Variants in REDIC1 observed in about 807,000 individuals in gnomAD.
The protein encoded by REDIC1 is HEI10 Interacting Protein 1.
the REDIC1 span, among the ~76,000 whole-genome samples, chr12:39,830,756 A>G: frequency 6.6e-6 from 1 of 152,218 alleles, no homozygotes; most frequent in Non-Finnish European, 1.5e-5. Flanking sequence ...TAAAAATACT[A>G]CTACTCAAAT....
chr12:39,890,214 A>G, the REDIC1 span, among the ~76,000 whole-genome samples: 1 of 152,222 alleles, frequency 6.6e-6, no homozygotes, highest in African/African-American at 2.4e-5. Flanking sequence ...TTACAGAGAA[A>G]ACCTGGCCAT....
the REDIC1 span, among the ~76,000 whole-genome samples, chr12:39,705,075 TAATA>T: frequency 3.3e-5 from 5 of 150,668 alleles, no homozygotes; most frequent in Admixed American, 6.6e-5. Context: ...AGTATAATAA[TAATA>T]AATAAAATTA....
the REDIC1 span, among the ~76,000 whole-genome samples, chr12:39,846,298 C>G: frequency 6.6e-6 from 1 of 152,078 alleles, no homozygotes; most frequent in South Asian, 2.1e-4. Flanking sequence ...GTACATTACA[C>G]CCTCCCTTGG....
chr12:39,711,105 C>T, the REDIC1 span, among the ~76,000 whole-genome samples: 1 of 151,384 alleles, frequency 6.6e-6, no homozygotes, highest in Admixed American at 6.6e-5. Context: ...TTTGCATCTT[C>T]ATATCTTAGT....
the REDIC1 span, chr12:39,721,035 C>T: frequency 6.2e-7 from 1 of 1,613,600 alleles, no homozygotes; most frequent in Non-Finnish European, 8.5e-7. Flanking sequence ...AAAACAAAAC[C>T]AATGATAACT....
chr12:39,833,892 TA>T, the REDIC1 span, among the ~76,000 whole-genome samples: 3,869 of 88,384 alleles, frequency 0.044, 81 homozygotes, highest in African/African-American at 0.11. Context: ...AGCATGGTCA[TA>T]AAAAAAAAAA....
chr12:39,780,717 A>C, the REDIC1 span, among the ~76,000 whole-genome samples: 3 of 152,228 alleles, frequency 2.0e-5, no homozygotes, highest in African/African-American at 2.4e-5. Flanking sequence ...TATTACAAGG[A>C]GAACAGTCAT....
At chr12:39,632,835 G>C in the REDIC1 span, among the ~76,000 whole-genome samples, 3 of 152,180 alleles carry the variant, frequency 2.0e-5, no homozygotes, top group East Asian at 5.8e-4. Context: ...ATATAGAAAA[G>C]ATGCAGTAAA....
chr12:39,759,811 A>C, the REDIC1 span: 1 of 522,070 alleles, frequency 1.9e-6, no homozygotes, highest in Admixed American at 3.6e-5. Context: ...TTATTAGATT[A>C]AAATCTCTGT....
At chr12:39,854,206 C>A in the REDIC1 span, among the ~76,000 whole-genome samples, 4 of 151,972 alleles carry the variant, frequency 2.6e-5, no homozygotes, top group Non-Finnish European at 4.4e-5. Flanking sequence ...ATGATATAAT[C>A]CGTCTGATCC....
the REDIC1 span, among the ~76,000 whole-genome samples, chr12:39,730,025 A>C: frequency 6.6e-6 from 1 of 151,906 alleles, no homozygotes; most frequent in South Asian, 2.1e-4. Flanking sequence ...ATATTCCTCC[A>C]TCCTTTTATT....
chr12:39,781,660 C>G, the REDIC1 span, among the ~76,000 whole-genome samples: 5 of 152,258 alleles, frequency 3.3e-5, no homozygotes, highest in East Asian at 9.6e-4. Context: ...ATATTATAGT[C>G]CAGAGCAACT....
the REDIC1 span, among the ~76,000 whole-genome samples, chr12:39,739,628 T>C: frequency 6.6e-6 from 1 of 152,230 alleles, no homozygotes; most frequent in East Asian, 1.9e-4. Context: ...TATAAGTCAC[T>C]ATATGAAATA....
chr12:39,713,601 T>C, the REDIC1 span, among the ~76,000 whole-genome samples: 1 of 149,386 alleles, frequency 6.7e-6, no homozygotes. Flanking sequence ...TAGATACGTA[T>C]ATATACATAT....
chr12:39,712,280 A>G, the REDIC1 span, among the ~76,000 whole-genome samples: 3 of 139,662 alleles, frequency 2.1e-5, no homozygotes, highest in Non-Finnish European at 1.6e-5. Context: ...ATACATGTAT[A>G]TATACCTGTA....
At chr12:39,750,955 A>T in the REDIC1 span, among the ~76,000 whole-genome samples, 1 of 152,192 alleles carries the variant, frequency 6.6e-6, no homozygotes, top group Non-Finnish European at 1.5e-5. Context: ...AAACCATAAA[A>T]ACCCTAGAAG....
the REDIC1 span, among the ~76,000 whole-genome samples, chr12:39,794,129 A>C: frequency 1.3e-5 from 2 of 148,488 alleles, 1 homozygote. Flanking sequence ...ATTGCAAAAA[A>C]AAAAAAAAAA....
the REDIC1 span, chr12:39,819,788 T>C: frequency 1.3e-5 from 2 of 152,612 alleles, no homozygotes; most frequent in Non-Finnish European, 2.9e-5. Flanking sequence ...AAAGGATAAA[T>C]GCTCCTTTCA....
chr12:39,639,669 CAGT>C, the REDIC1 span, among the ~76,000 whole-genome samples: 1 of 151,920 alleles, frequency 6.6e-6, no homozygotes, highest in African/African-American at 2.4e-5. Context: ...GTTTCCTCAT[CAGT>C]AAAGTGGGTA....
Sources: allele counts gnomAD v4.1 joint callset (sites outside exome capture counted in the v4.1 genomes callset), GRCh38; gene constraint gnomAD v4.1.1; transcripts MANE v1.5; gene names NCBI Gene and HGNC (gene_info 2026-07-23, HGNC 2026-07-21).